RNF19B: variants seen among roughly 807,000 people sequenced by gnomAD.
The protein encoded by RNF19B is E3 ubiquitin-protein ligase RNF19B.
In RNF19B, 23 loss-of-function variants were observed where a neutral mutation model predicts 65.5. The ratio of observed to expected loss-of-function variants is 0.35; its 90% CI spans 0.25 to 0.50. The LOEUF is 0.50. RNF19B is among the 20% of genes least tolerant of loss of function. RNF19B has a pLI of 0.98. For missense variants in RNF19B, 794 were observed against 980.0 expected, an observed-to-expected ratio of 0.81 and a Z score of 2.53; for synonymous variants, 372 against 379.6, an observed-to-expected ratio of 0.98 and a Z score of 0.23.
chr1:32,942,203 ACTT>A (rs1642251253), intron 7 of RNF19B, 46 bp downstream of exon 7: 4 of 1,463,420 alleles, frequency 2.7e-6, no homozygotes, highest in Non-Finnish European at 3.8e-6. Flanking sequence ...TCAATGTGTT[ACTT>A]CTTATAATTC....
chr1:32,931,840 C>T (rs917468030), downstream of RNF19B, among the ~76,000 whole-genome samples: 2 of 152,182 alleles, frequency 1.3e-5, no homozygotes, highest in African/African-American at 4.8e-5. Context: ...GAGGTGCCAA[C>T]GTCTTTTCTC....
chr1:32,938,140 CAAAAA>C (rs80176999), intron 8 of RNF19B, among the ~76,000 whole-genome samples: 4 of 46,044 alleles, frequency 8.7e-5, no homozygotes, highest in Admixed American at 2.7e-4. Context: ...CCAAGAAAGA[CAAAAA>C]AAAAAAAAAA....
In RNF19B at chr1:32,964,471, G is replaced by A. The variant is rs2124203633; in HGVS notation, c.215C>T (p.Ala72Val). Residue 72 changes from alanine (A) to valine (V), a missense_variant, in exon 1 of 9, where the codon GCC (alanine) becomes GTC (valine). Transcript: ENST00000235150. The surrounding 1 kb of genome is among the most constrained non-coding windows in gnomAD (Gnocchi z 6.5). ...QPPPAPAPAA[A>V]QGPPPEALPA... ...CAGCGCCTCGGGCGGCGGGCCCTGG[G>A]CCGCGGCAGGGGCCGGGGCGGGCGG... 1 of 957,578 alleles carries A rather than the reference G, an allele frequency of 1.0e-6. No homozygotes were observed. The highest frequency in any genetic ancestry group is 1.2e-6 in the Non-Finnish European group (1 of 807,952). 59.3% of individuals were successfully genotyped at this position (957,578 alleles called of 1,614,324 possible).
intron 7 of RNF19B, among the ~76,000 whole-genome samples, chr1:32,939,784 T>C (rs1184373521): frequency 6.6e-6 from 1 of 152,204 alleles, no homozygotes; most frequent in African/African-American, 2.4e-5. Flanking sequence ...ATCTGACTCA[T>C]TCACTTCCTA....
intron 1 of RNF19B, among the ~76,000 whole-genome samples, chr1:32,962,985 T>C (rs1450242691): frequency 6.6e-6 from 1 of 152,196 alleles, no homozygotes; most frequent in East Asian, 1.9e-4. Flanking sequence ...CATATTTTAA[T>C]TTACTGCCCT....
the RNF19B span, among the ~76,000 whole-genome samples, chr1:32,929,109 C>T: frequency 6.6e-6 from 1 of 152,128 alleles, no homozygotes; most frequent in Non-Finnish European, 1.5e-5. Flanking sequence ...AGAATTGGTT[C>T]CTTCCGCGGG....
intron 7 of RNF19B, among the ~76,000 whole-genome samples, chr1:32,940,335 G>A (rs992297640): frequency 3.9e-5 from 6 of 152,100 alleles, no homozygotes; most frequent in Admixed American, 2.6e-4. Flanking sequence ...TTCTGGGATG[G>A]GTCCCTGAAG....
intron 8 of RNF19B, among the ~76,000 whole-genome samples, chr1:32,937,781 T>TGCACACGTGTGCTCAGATGCAC (rs1642139817): frequency 6.6e-6 from 1 of 152,118 alleles, no homozygotes; most frequent in Non-Finnish European, 1.5e-5. Context: ...TAACTATACA[T>TGCACACGTGTGCTCAGATGCAC]GCACACGTGT....
At chr1:32,957,235 G>A (rs959837075) in intron 1 of RNF19B, among the ~76,000 whole-genome samples, 20 of 152,180 alleles carry the variant, frequency 1.3e-4, no homozygotes, top group Non-Finnish European at 2.1e-4. Flanking sequence ...GAACTCCTGG[G>A]CTCAACTAAT....
At position 32,936,763 on chromosome 1, in the gene RNF19B, C is replaced by A; in HGVS notation, c.*43G>T. 7.0e-7 allele frequency: 1 copy of A among 1,418,716 alleles called. No homozygotes were observed. Among genetic ancestry groups the A allele is most frequent in the East Asian group, 2.4e-5 (1 of 41,578 alleles). 87.9% of individuals were successfully genotyped at this position (1,418,716 alleles called of 1,614,324 possible). ...AAAAAAAAAAAAATTCCAAAAGATG[C>A]AGTTACAAGTGTGCTTCTCAGAACA... On this transcript the variant is annotated 3_prime_UTR_variant, in exon 9 of 9. Transcript: ENST00000235150.
chr1:32,963,609 T>A (rs939383859), intron 1 of RNF19B, among the ~76,000 whole-genome samples: 6 of 150,900 alleles, frequency 4.0e-5, no homozygotes, highest in African/African-American at 1.5e-4. Context: ...TCCCAGCTAC[T>A]CGGGAGGCTG....
rs1232801204 is a variant in RNF19B, at chr1:32,964,470, G to A, written c.216C>T (p.Ala72=). The A allele has an allele frequency of 1.0e-6, 1 of 957,210 alleles. No homozygotes were observed. Among genetic ancestry groups the A allele is most frequent in the Admixed American group, 6.4e-5 (1 of 15,644 alleles). 59.3% of individuals were successfully genotyped at this position (957,210 alleles called of 1,614,324 possible). A position where few individuals can be genotyped will look rare whatever the true frequency, so the allele number is the denominator to read the frequency against. The change falls in exon 1 of 9, where the codon GCC becomes GCT. Residue 72 remains alanine, a synonymous_variant. Transcript: ENST00000235150. The surrounding 1 kb of genome is among the most constrained non-coding windows in gnomAD (Gnocchi z 6.5). ...QPPPAPAPAA[A]QGPPPEALPA... ...GCAGCGCCTCGGGCGGCGGGCCCTG[G>A]GCCGCGGCAGGGGCCGGGGCGGGCG...
At chr1:32,937,437 C>T (rs1047904195) in intron 8 of RNF19B, 178 bp from the exon 9 acceptor site, 6 of 996,498 alleles carry the variant, frequency 6.0e-6, no homozygotes, top group East Asian at 2.6e-5. Context: ...GGAGGCTGGA[C>T]GTGGTGGCTC....
At chr1:32,948,174 A>C in intron 3 of RNF19B, 48 bp downstream of exon 3, 1 of 1,590,652 alleles carries the variant, frequency 6.3e-7, no homozygotes, top group Non-Finnish European at 8.6e-7. Flanking sequence ...TCCCTAAATC[A>C]GTAAGAGAAT....
rs1642371495 is a variant in RNF19B, at chr1:32,946,583, G to A, written c.984-19C>T. The A allele has an allele frequency of 6.2e-7, 1 of 1,608,766 alleles. No individual in the cohort carries two copies. ...AGAGGGGCTGCAGGGGAAACAGACT[G>A]AAGTTAATGTCAACATTACAAATAC... is the stretch of plus-strand genomic sequence containing the variant. On this transcript the variant is annotated intron_variant, in intron 3 of 8. Coordinates refer to ENST00000235150, the MANE Select transcript of RNF19B (RefSeq NM_001300826.2).
intron 3 of RNF19B, 123 bp downstream of exon 3, chr1:32,948,096 CAGA>C (rs748533059): frequency 3.6e-5 from 32 of 898,938 alleles, no homozygotes; most frequent in African/African-American, 1.2e-4. Flanking sequence ...AGGAGCATGT[CAGA>C]AGAAGTTTTC....
intron 8 of RNF19B, among the ~76,000 whole-genome samples, chr1:32,937,774 C>T (rs1642139460): frequency 6.6e-6 from 1 of 152,052 alleles, no homozygotes; most frequent in African/African-American, 2.4e-5. Context: ...GCTGATTTAA[C>T]TATACATGCA....
chr1:32,940,130 T>A (rs531987928), intron 7 of RNF19B, among the ~76,000 whole-genome samples: 2 of 152,334 alleles, frequency 1.3e-5, no homozygotes, highest in Admixed American at 1.3e-4. Flanking sequence ...AAGTGCACAG[T>A]GTCAGAGACC....
chr1:32,954,841 C>T (rs1642597068), intron 1 of RNF19B, among the ~76,000 whole-genome samples: 1 of 151,904 alleles, frequency 6.6e-6, no homozygotes. Context: ...TCTAAAACTG[C>T]ATGTGAGACC....
Sources: allele counts gnomAD v4.1 joint callset (sites outside exome capture counted in the v4.1 genomes callset), GRCh38; gene constraint gnomAD v4.1.1; non-coding constraint Gnocchi (gnomAD v3.1); transcripts MANE v1.5; gene names NCBI Gene and HGNC (gene_info 2026-07-23, HGNC 2026-07-21).